Variants in CTNNA3 observed in about 807,000 individuals in gnomAD.
CTNNA3 encodes the protein catenin alpha 3.
CTNNA3 carries 76 observed loss-of-function variants against 95.7 expected under a neutral mutation model. That is an observed-to-expected ratio of 0.79 (90% confidence interval 0.66 to 0.96). The LOEUF is 0.96. Ranked by LOEUF, CTNNA3 falls within the 40% of genes least tolerant of loss-of-function variation. The pLI, the probability that CTNNA3 is intolerant of heterozygous loss-of-function variation, is 0.00. For missense variants in CTNNA3, 1,191 were observed against 1,089.8 expected (o/e 1.09, Z -1.31); for synonymous variants, 431 against 374.4 (o/e 1.15, Z -1.74).
intron 5 of CTNNA3, among the ~76,000 whole-genome samples, chr10:67,339,650 G>C (rs112805650): frequency 6.7e-6 from 1 of 149,966 alleles, no homozygotes; most frequent in South Asian, 2.1e-4. Context: ...AACATGTTCT[G>C]ATATATTATG....
chr10:66,865,201 T>TGTGC (rs1844120092), intron 7 of CTNNA3, among the ~76,000 whole-genome samples: 1 of 106,626 alleles, frequency 9.4e-6, no homozygotes, highest in African/African-American at 3.7e-5. Context: ...AGGCATGGGG[T>TGTGC]GTGTGTGTGT....
At chr10:67,232,340 G>C (rs558328071) in intron 5 of CTNNA3, among the ~76,000 whole-genome samples, 11 of 152,270 alleles carry the variant, frequency 7.2e-5, no homozygotes, top group African/African-American at 1.7e-4. Flanking sequence ...AGCCAGAAGA[G>C]AGTGGGGGCC....
At chr10:67,452,744 G>C (rs1847034708) in intron 5 of CTNNA3, among the ~76,000 whole-genome samples, 1 of 152,182 alleles carries the variant, frequency 6.6e-6, no homozygotes, top group African/African-American at 2.4e-5. Context: ...TGAAGAAAAG[G>C]ATAGGCAGGA....
chr10:67,292,489 T>A (rs1342934003), intron 5 of CTNNA3, among the ~76,000 whole-genome samples: 1 of 152,170 alleles, frequency 6.6e-6, no homozygotes, highest in Non-Finnish European at 1.5e-5. Context: ...GATTGTAATA[T>A]ACTGATCTAC....
chr10:67,436,976 T>A (rs1010629884), intron 5 of CTNNA3, among the ~76,000 whole-genome samples: 1 of 152,192 alleles, frequency 6.6e-6, no homozygotes, highest in Non-Finnish European at 1.5e-5. Flanking sequence ...CTAATGTGTA[T>A]CTACCCAGAG....
intron 14 of CTNNA3, among the ~76,000 whole-genome samples, chr10:66,087,541 C>T (rs1337337987): frequency 2.0e-5 from 3 of 152,040 alleles, no homozygotes; most frequent in African/African-American, 7.2e-5. Context: ...GAAACTCCTC[C>T]CTACACTGAC....
Position 66,123,206 on chromosome 10 carries a change from A to T in CTNNA3, c.1885-19957T>A, listed in dbSNP as rs553838674. On this transcript the variant is annotated intron_variant, in intron 13 of 17. Transcript: ENST00000433211. The stretch of plus-strand genomic sequence containing the variant: ...TCCTAGAAACAATGGAGGTTCAGGC[A>T]TTGGGTAAATACAGCAATTCCAAAT... Among the ~76,000 whole-genome samples, 97 of 152,320 alleles carry T rather than the reference A, an allele frequency of 6.4e-4. 1 individual carries two copies. The highest frequency in any genetic ancestry group is 2.2e-3 in the African/African-American group (92 of 41,590).
chr10:66,712,409 C>T (rs1416089556), intron 9 of CTNNA3, among the ~76,000 whole-genome samples: 1 of 152,092 alleles, frequency 6.6e-6, no homozygotes, highest in African/African-American at 2.4e-5. Context: ...TCCCAAAGAG[C>T]TGTTATCCCA....
Position 66,775,463 on chromosome 10 carries a change from G to A in CTNNA3, c.1109C>T (p.Thr370Ile). ...CCTCACCTGTCTGCGAAGGTCTCTTGTCTTCTTACACATGTTGTCTAAAGC... is the reference window on the plus strand; with the variant it reads ...CCTCACCTGTCTGCGAAGGTCTCTTATCTTCTTACACATGTTGTCTAAAGC... ...NIALDNMCKK[T>I]RDLRRQLRKA... The change falls in exon 8 of 18, where the codon ACA (threonine) becomes ATA (isoleucine). Residue 370 changes from threonine to isoleucine, a missense_variant. Thr to Ile is a moderately conservative substitution (Grantham distance 89). Coordinates refer to ENST00000433211, the MANE Select transcript of CTNNA3 (RefSeq NM_013266.4). 1 of 1,610,342 alleles carries A rather than the reference G, an allele frequency of 6.2e-7. No homozygotes were observed. The highest frequency in any genetic ancestry group is 8.5e-7 in the Non-Finnish European group (1 of 1,178,128).
intron 15 of CTNNA3, among the ~76,000 whole-genome samples, chr10:66,042,036 G>A (rs538076142): frequency 1.3e-5 from 2 of 152,132 alleles, no homozygotes; most frequent in East Asian, 1.9e-4. Flanking sequence ...CTTATGCTCT[G>A]GCAATACCTA....
chr10:67,515,522 C>T (rs1839783607), intron 5 of CTNNA3, among the ~76,000 whole-genome samples: 1 of 152,156 alleles, frequency 6.6e-6, no homozygotes, highest in Admixed American at 6.5e-5. Context: ...AATAATTCAA[C>T]ATTTTTTATA....
At chr10:66,913,095 C>T in intron 7 of CTNNA3, among the ~76,000 whole-genome samples, 1 of 151,650 alleles carries the variant, frequency 6.6e-6, no homozygotes, top group East Asian at 1.9e-4. Context: ...AAAAATTAGC[C>T]GGGCGCTGTG....
chr10:66,334,232 A>G (rs1404466072), intron 12 of CTNNA3, among the ~76,000 whole-genome samples: 2 of 151,952 alleles, frequency 1.3e-5, no homozygotes, highest in Non-Finnish European at 2.9e-5. Context: ...TTTACATTTA[A>G]GGTTAAAATT....
intron 11 of CTNNA3, among the ~76,000 whole-genome samples, chr10:66,434,660 T>C (rs1295642759): frequency 6.6e-6 from 1 of 152,184 alleles, no homozygotes; most frequent in African/African-American, 2.4e-5. Context: ...CTGATTGCCC[T>C]GGCCAGAACT....
chr10:65,946,714 T>C (rs2077521659), intron 17 of CTNNA3, among the ~76,000 whole-genome samples: 1 of 152,164 alleles, frequency 6.6e-6, no homozygotes, highest in Admixed American at 6.5e-5. Context: ...CTGCAAATCT[T>C]TGGCATCTAT....
chr10:66,714,692 C>T (rs1042728856), intron 9 of CTNNA3, among the ~76,000 whole-genome samples: 33 of 152,146 alleles, frequency 2.2e-4, no homozygotes, highest in Non-Finnish European at 3.7e-4. Flanking sequence ...TTGGGTTCCA[C>T]CCCAGAACTA....
intron 1 of CTNNA3, among the ~76,000 whole-genome samples, chr10:67,718,763 TC>T (rs1841160389): frequency 6.6e-6 from 1 of 152,248 alleles, no homozygotes; most frequent in Non-Finnish European, 1.5e-5. Context: ...CCTGAAATTT[TC>T]TTTTTTTGTT....
At chr10:67,088,263 A>C (rs1267438830) in intron 7 of CTNNA3, among the ~76,000 whole-genome samples, 1 of 151,644 alleles carries the variant, frequency 6.6e-6, no homozygotes, top group African/African-American at 2.4e-5. Flanking sequence ...GGCCCAGAGA[A>C]GGCATTCAGC....
At chr10:66,198,248 T>A (rs2087091204) in intron 13 of CTNNA3, among the ~76,000 whole-genome samples, 1 of 152,194 alleles carries the variant, frequency 6.6e-6, no homozygotes, top group African/African-American at 2.4e-5. Context: ...TTCTATTCTC[T>A]TGTGTTGATA....
Sources: gnomAD v4.1 joint callset for allele counts (sites outside exome capture counted in the v4.1 genomes callset) on GRCh38, gnomAD v4.1.1 for gene constraint, MANE v1.5 for transcripts, NCBI Gene and HGNC (gene_info 2026-07-23, HGNC 2026-07-21) for gene names.